Variants in MMP17 observed in about 807,000 individuals in gnomAD.
MMP17 encodes the protein matrix metalloproteinase-17.
A neutral mutation model predicts 49.1 loss-of-function variants in MMP17; 54 were observed. The observed-to-expected ratio is 1.10, with a 90% CI of 0.88 to 1.38. The LOEUF (loss-of-function observed/expected upper bound fraction) is 1.38, where lower values mean the gene tolerates loss of function less well. MMP17 is among the 40% of genes most tolerant of loss of function. MMP17 has a pLI of 0.00. For missense variants in MMP17, 837 were observed against 853.7 expected, an observed-to-expected ratio of 0.98 and a Z score of 0.24; for synonymous variants, 397 against 383.1, an observed-to-expected ratio of 1.04 and a Z score of -0.42.
chr12:131,842,851 G>A (rs951531004), intron 5 of MMP17, among the ~76,000 whole-genome samples: 1 of 151,966 alleles, frequency 6.6e-6, no homozygotes, highest in Non-Finnish European at 1.5e-5. Flanking sequence ...TTGTGTGGAT[G>A]CCACCTCTAT....
At chr12:131,841,500 C>G (rs1451003763) in intron 4 of MMP17, 124 bp from the exon 5 acceptor site, 13 of 1,001,652 alleles carry the variant, frequency 1.3e-5, no homozygotes, top group Non-Finnish European at 2.0e-5. Flanking sequence ...CAGAATCCCT[C>G]TGGCGCAGCC....
chr12:131,845,125 A>G lies in MMP17; in HGVS notation c.976A>G (p.Lys326Glu). ...CTGGCTCTCTCCCTGCAGGCCCAGG[A>G]AGGACGTGCCCCACAGATGCAGCAC... ...PDNRSSAPPRKDVPHRCSTHF... is the reference protein window; with the variant it reads ...PDNRSSAPPREDVPHRCSTHF... Residue 326 changes from lysine to glutamate, a missense_variant, in exon 7 of 10, where the codon AAG (lysine) becomes GAG (glutamate). Transcript: ENST00000360564. The G allele has an allele frequency of 1.3e-6, 2 of 1,599,226 alleles. No homozygotes were observed. Among genetic ancestry groups the G allele is most frequent in the Non-Finnish European group, 1.7e-6 (2 of 1,175,950 alleles).
rs878879592 is a variant in MMP17 at position 131,844,031 on chromosome 12, C to T, written c.918C>T (p.Pro306=). Residue 306 remains proline, a synonymous_variant, in exon 6 of 10, where the codon CCC becomes CCT. Coordinates refer to ENST00000360564, the MANE Select transcript of MMP17 (RefSeq NM_016155.7). The part of the protein sequence containing the change: ...VRESVSPTAQ[P]EEPPLLPEPP... ...AGTCTGTGTCTCCCACGGCGCAGCCCGAGGAGCCTCCCCTGCTGCCGGAGC... is the reference window on the plus strand; with the variant it reads ...AGTCTGTGTCTCCCACGGCGCAGCCTGAGGAGCCTCCCCTGCTGCCGGAGC... 16 of 1,569,654 alleles carry T rather than the reference C, an allele frequency of 1.0e-5. No individual in the cohort carries two copies. The highest frequency in any genetic ancestry group is 4.7e-5 in the South Asian group (4 of 85,880).
rs370286566 is a variant in MMP17 at position 131,851,131 on chromosome 12, G to A, written c.1669G>A (p.Gly557Ser). 16 of 1,579,952 alleles carry A rather than the reference G, an allele frequency of 1.0e-5. No individual in the cohort carries two copies. The highest frequency in any genetic ancestry group is 6.8e-5 in the African/African-American group (5 of 74,014). Residue 557 changes from glycine to serine, a missense_variant, in exon 10 of 10, where the codon GGT becomes AGT. Physicochemically the swap from Gly to Ser is moderately conservative, Grantham distance 56. Coordinates refer to ENST00000360564, the MANE Select transcript of MMP17 (RefSeq NM_016155.7). Reference protein sequence around the residue: ...GQHDQSRSEDGYEVCSCTSGA... With the variant: ...GQHDQSRSEDSYEVCSCTSGA... ...ACATGACCAGAGCCGCTCGGAGGAC[G>A]GTTACGAGGTCTGCTCATGCACCTC...
Position 131,838,301 on chromosome 12 carries a change from G to C in MMP17, c.266G>C (p.Gly89Ala). 2 of 1,613,188 alleles carry C rather than the reference G, an allele frequency of 1.2e-6. No homozygotes were observed. The highest frequency in any genetic ancestry group is 1.1e-5 in the South Asian group (1 of 91,078). Reference protein sequence around the residue: ...SKAITAMQQFGGLEATGILDE... With the variant: ...SKAITAMQQFAGLEATGILDE... ...GCCATCACAGCCATGCAGCAGTTTG[G>C]TGGCCTGGAGGCCACCGGCATCCTG... The change falls in exon 2 of 10, where the codon GGT becomes GCT. Residue 89 changes from glycine (G) to alanine (A), a missense_variant. Gly to Ala is a moderately conservative substitution (Grantham distance 60). Coordinates refer to ENST00000360564, the MANE Select transcript of MMP17 (RefSeq NM_016155.7).
At chr12:131,849,466 C>T (rs1887863963) in intron 8 of MMP17, among the ~76,000 whole-genome samples, 1 of 152,142 alleles carries the variant, frequency 6.6e-6, no homozygotes, top group African/African-American at 2.4e-5. Context: ...CTGGGTGACA[C>T]AGCAAGACTC....
intron 5 of MMP17, among the ~76,000 whole-genome samples, chr12:131,843,139 AT>A (rs542932307): frequency 0.025 from 3,669 of 145,204 alleles, 133 homozygotes; most frequent in African/African-American, 0.085. Flanking sequence ...AATTTTTTGT[AT>A]TTTTTTTTTA....
At position 131,851,368 on chromosome 12, in the gene MMP17, C is replaced by T; in HGVS notation, c.*94C>T. 6.0e-6 allele frequency: 7 copies of T among 1,175,726 alleles called. No individual in the cohort carries two copies. The highest frequency in any genetic ancestry group is 4.1e-5 in the Admixed American group (1 of 24,610). The allele number at this position is 1,175,726 out of a possible 1,614,324, so 72.8% of individuals were successfully genotyped here. On this transcript the variant is annotated 3_prime_UTR_variant, in exon 10 of 10. Transcript: ENST00000360564. ...CCGGAGTCCCTGGGGGAGGTGCTGG[C>T]GCGGGATGAGGACGGGCCACCCTGG...
intron 6 of MMP17, 116 bp from the exon 7 acceptor site, chr12:131,845,002 G>A (rs1204802688): frequency 1.9e-6 from 2 of 1,026,410 alleles, no homozygotes; most frequent in Non-Finnish European, 3.0e-6. Context: ...CAAGGATAGG[G>A]GCTCCACACA....
intron 3 of MMP17, chr12:131,840,023 A>T (rs1887301240): frequency 6.6e-6 from 1 of 152,454 alleles, no homozygotes; most frequent in South Asian, 2.1e-4. Context: ...CTTGAGCTCG[A>T]GCAATCTGCC....
intron 9 of MMP17, 22 bp downstream of exon 9, chr12:131,850,081 G>C (rs771573837): frequency 1.3e-6 from 2 of 1,585,754 alleles, no homozygotes; most frequent in Non-Finnish European, 1.7e-6. Flanking sequence ...CTGGGGGGAC[G>C]GGCCATGCGG....
chr12:131,836,912 CCCCAGGTCCCCACGATGGCA>C (rs1382075563), intron 1 of MMP17, among the ~76,000 whole-genome samples: 1 of 152,072 alleles, frequency 6.6e-6, no homozygotes, highest in Admixed American at 6.6e-5. Context: ...GGCCTGCCAT[CCCCAGGTCCCCACGATGGCA>C]CCCAGGTCCC....
At position 131,851,151 on chromosome 12, in the gene MMP17, C is replaced by T. The variant is rs1382535665; in HGVS notation, c.1689C>T (p.Cys563=). Reference sequence around the variant, plus strand: ...AGGACGGTTACGAGGTCTGCTCATGCACCTCTGGGGCATCCTCTCCCCCGG... The same window carrying T: ...AGGACGGTTACGAGGTCTGCTCATGTACCTCTGGGGCATCCTCTCCCCCGG... ...RSEDGYEVCS[C]TSGASSPPGA... The change falls in exon 10 of 10, where the codon TGC becomes TGT. Residue 563 remains cysteine, a synonymous_variant. Transcript: ENST00000360564. 25 of 1,556,610 alleles carry T rather than the reference C, an allele frequency of 1.6e-5. No homozygotes were observed. The highest frequency in any genetic ancestry group is 2.2e-5 in the Non-Finnish European group (25 of 1,150,560).
intron 1 of MMP17, among the ~76,000 whole-genome samples, chr12:131,830,230 G>T (rs1886720626): frequency 6.6e-6 from 1 of 152,258 alleles, no homozygotes; most frequent in Non-Finnish European, 1.5e-5. Flanking sequence ...CCCCCTGCCC[G>T]GAGAGAGTGG....
At chr12:131,840,506 G>A in intron 3 of MMP17, 67 bp from the exon 4 acceptor site, 1 of 1,507,768 alleles carries the variant, frequency 6.6e-7, no homozygotes, top group Non-Finnish European at 8.9e-7. Context: ...GGGGCGTTCA[G>A]GGAACCTCGG....
chr12:131,837,659 T>A (rs1887148131), intron 1 of MMP17, among the ~76,000 whole-genome samples: 3 of 152,262 alleles, frequency 2.0e-5, no homozygotes, highest in African/African-American at 4.8e-5. Context: ...CATGAGTGGT[T>A]GTACAGGTCG....
intron 6 of MMP17, 51 bp downstream of exon 6, chr12:131,844,132 C>G (rs1478844559): frequency 2.1e-6 from 3 of 1,436,320 alleles, no homozygotes; most frequent in Non-Finnish European, 2.8e-6. Context: ...CTGTCCTCAT[C>G]CCTGTCCCAC....
intron 1 of MMP17, among the ~76,000 whole-genome samples, chr12:131,832,897 G>A (rs1050142553): frequency 6.6e-5 from 10 of 152,200 alleles, no homozygotes; most frequent in South Asian, 2.1e-4. Flanking sequence ...CCCCACCACC[G>A]TGAGCATGTG....
intron 3 of MMP17, chr12:131,840,314 G>T (rs114606756): frequency 4.9e-4 from 229 of 465,720 alleles, no homozygotes; most frequent in African/African-American, 4.1e-3. Flanking sequence ...ATGGCTCCAC[G>T]CGGGAGCTGA....
Sources: gnomAD v4.1 joint callset for allele counts (sites outside exome capture counted in the v4.1 genomes callset) on GRCh38, gnomAD v4.1.1 for gene constraint, MANE v1.5 for transcripts, NCBI Gene and HGNC (gene_info 2026-07-23, HGNC 2026-07-21) for gene names.